The following POU2F1 variants were observed in gnomAD, a reference collection of about 807,000 sequenced individuals.
POU2F1 encodes the protein POU domain, class 2, transcription factor 1.
In POU2F1, 16 loss-of-function variants were observed where a neutral mutation model predicts 84.9. That is an observed-to-expected ratio of 0.19 (90% CI 0.13 to 0.29). The LOEUF (loss-of-function observed/expected upper bound fraction) is 0.29, where lower values mean the gene tolerates loss of function less well. POU2F1 is among the 10% of genes least tolerant of loss of function. The pLI, the probability that POU2F1 is intolerant of heterozygous loss-of-function variation, is 1.00. For synonymous variants in POU2F1, 368 were observed against 368.3 expected, an observed-to-expected ratio of 1.00 and a Z score of 0.01; for missense variants, 738 against 942.6, an observed-to-expected ratio of 0.78 and a Z score of 2.84.
intron 1 of POU2F1, among the ~76,000 whole-genome samples, chr1:167,288,731 G>C (rs1653706181): frequency 6.6e-6 from 1 of 152,106 alleles, no homozygotes; most frequent in South Asian, 2.1e-4. Context: ...TCTACTTATA[G>C]GCTGCTGAAC....
At chr1:167,252,678 TCCAAA>T (rs779187457) in intron 1 of POU2F1, among the ~76,000 whole-genome samples, 1 of 152,200 alleles carries the variant, frequency 6.6e-6, no homozygotes, top group Non-Finnish European at 1.5e-5. Context: ...TGTTGCAAAC[TCCAAA>T]CCAAAGAATG....
chr1:167,364,387 G>A (rs1191017739), intron 2 of POU2F1, among the ~76,000 whole-genome samples: 6 of 149,114 alleles, frequency 4.0e-5, no homozygotes, highest in South Asian at 4.3e-4. Flanking sequence ...AAAATTAGCC[G>A]GGCGTAGTGG....
intron 1 of POU2F1, among the ~76,000 whole-genome samples, chr1:167,314,342 A>G (rs190592935): frequency 5.6e-4 from 85 of 152,340 alleles, no homozygotes; most frequent in African/African-American, 1.9e-3. Context: ...ATGAGCTATC[A>G]CTGCACACCT....
At chr1:167,390,055 AT>A (rs896944085) in intron 9 of POU2F1, among the ~76,000 whole-genome samples, 1 of 152,220 alleles carries the variant, frequency 6.6e-6, no homozygotes, top group African/African-American at 2.4e-5. Context: ...ACAAATATAC[AT>A]TTTATAATTT....
intron 2 of POU2F1, among the ~76,000 whole-genome samples, chr1:167,341,698 T>C (rs2101756838): frequency 6.6e-6 from 1 of 152,238 alleles, no homozygotes; most frequent in East Asian, 1.9e-4. Context: ...TGGGCACATG[T>C]TTCAGTGCAC....
chr1:167,272,390 CAAAAA>C (rs35666628), intron 1 of POU2F1, among the ~76,000 whole-genome samples: 1 of 82,232 alleles, frequency 1.2e-5, no homozygotes, highest in South Asian at 3.5e-4. Context: ...ATTAGGATTT[CAAAAA>C]AAAAAAAAAA....
In POU2F1 at chr1:167,414,350, GAAAAGATA is replaced by G. The variant is rs1293804091; in HGVS notation, c.1991-1149_1991-1142del. The G allele has an allele frequency of 2.7e-5, 27 of 985,372 alleles. No individual in the cohort carries two copies. The African/African-American group carries it at 4.5e-4, about 17-fold the overall frequency. The allele number at this position is 985,372 out of a possible 1,614,324, so 61.0% of individuals were successfully genotyped here. A position where few individuals can be genotyped will look rare whatever the true frequency, so the allele number is the denominator to read the frequency against. On this transcript the variant is annotated intron_variant, in intron 15 of 15. Transcript: ENST00000367866. ...TTCCCTAGGGCATGATTGACACTCT[GAAAAGATA>G]CTAAGTTTGGAATCTCAGAAAAACT...
intron 15 of POU2F1, among the ~76,000 whole-genome samples, chr1:167,413,704 T>TTATA (rs1650125600): frequency 6.6e-6 from 1 of 152,208 alleles, no homozygotes; most frequent in South Asian, 2.1e-4. Flanking sequence ...TCCTTTTGCC[T>TTATA]TTTAGCATGT....
At chr1:167,397,072 A>C (rs954929588) in intron 10 of POU2F1, among the ~76,000 whole-genome samples, 4 of 152,162 alleles carry the variant, frequency 2.6e-5, no homozygotes, top group Admixed American at 6.5e-5. Context: ...TTCAGTAGCT[A>C]TGGGTGAGGC....
At chr1:167,348,671 AATGAG>A (rs1658360693) in intron 2 of POU2F1, among the ~76,000 whole-genome samples, 2 of 152,312 alleles carry the variant, frequency 1.3e-5, no homozygotes, top group South Asian at 4.1e-4. Flanking sequence ...ATCTTGTAAT[AATGAG>A]ATGAGAATGG....
rs765099139 is a variant in POU2F1 at position 167,416,101 on chromosome 1, A to C, written c.*291A>C. On this transcript the variant is annotated 3_prime_UTR_variant, in exon 16 of 16. Coordinates refer to ENST00000367866, the MANE Select transcript of POU2F1 (RefSeq NM_002697.4). Reference sequence around the variant, plus strand: ...TAACCAAAAATTAAAAAAAAAAAAAAAAAAAGAAACAAAAAAATCAAAAAC... The same window carrying C: ...TAACCAAAAATTAAAAAAAAAAAAACAAAAAGAAACAAAAAAATCAAAAAC... The C allele has an allele frequency of 6.7e-5, 37 of 550,264 alleles. No homozygotes were observed. Among genetic ancestry groups the C allele is most frequent in the African/African-American group, 6.4e-4 (33 of 51,480 alleles). 34.1% of individuals were successfully genotyped at this position (550,264 alleles called of 1,614,324 possible). A position where few individuals can be genotyped will look rare whatever the true frequency, so the allele number is the denominator to read the frequency against.
intron 2 of POU2F1, among the ~76,000 whole-genome samples, chr1:167,345,407 A>C (rs1557911775): frequency 6.6e-6 from 1 of 152,250 alleles, no homozygotes; most frequent in Non-Finnish European, 1.5e-5. Flanking sequence ...ACAGTCAATT[A>C]GGGATTTCCT....
chr1:167,361,551 A>G (rs1032029711), intron 2 of POU2F1, among the ~76,000 whole-genome samples: 2 of 152,038 alleles, frequency 1.3e-5, no homozygotes, highest in Non-Finnish European at 2.9e-5. Flanking sequence ...TGACTTTTTG[A>G]TGTGCTGCTG....
chr1:167,345,749 T>G (rs146232301), intron 2 of POU2F1, among the ~76,000 whole-genome samples: 3 of 152,202 alleles, frequency 2.0e-5, no homozygotes, highest in Admixed American at 2.0e-4. Flanking sequence ...TAAAATAAGG[T>G]CTGTCTTTCT....
intron 1 of POU2F1, among the ~76,000 whole-genome samples, chr1:167,309,283 G>C (rs1258494608): frequency 6.6e-6 from 1 of 152,076 alleles, no homozygotes; most frequent in East Asian, 1.9e-4. Flanking sequence ...ACTTAAAGCT[G>C]TGTTTATTTT....
chr1:167,222,480 T>G (rs547759085), intron 1 of POU2F1, among the ~76,000 whole-genome samples: 2 of 152,132 alleles, frequency 1.3e-5, no homozygotes, highest in Non-Finnish European at 2.9e-5. Flanking sequence ...TGGTTCGATA[T>G]GATTTTTTTT....
At chr1:167,230,702 A>G (rs997331618) in intron 1 of POU2F1, among the ~76,000 whole-genome samples, 1 of 152,204 alleles carries the variant, frequency 6.6e-6, no homozygotes, top group South Asian at 2.1e-4. Context: ...CAGTTACCCA[A>G]TTCAGCACTT....
At chr1:167,286,150 G>T (rs987959489) in intron 1 of POU2F1, among the ~76,000 whole-genome samples, 4 of 152,152 alleles carry the variant, frequency 2.6e-5, no homozygotes, top group Admixed American at 2.0e-4. Context: ...GGGTGATATA[G>T]TCAGTTTCAT....
At chr1:167,384,920 A>C (rs1647847991) in intron 8 of POU2F1, among the ~76,000 whole-genome samples, 1 of 152,136 alleles carries the variant, frequency 6.6e-6, no homozygotes, top group Non-Finnish European at 1.5e-5. Context: ...AAACTATCTT[A>C]GTTGCTAGAT....
Sources: allele counts gnomAD v4.1 joint callset (sites outside exome capture counted in the v4.1 genomes callset), GRCh38; gene constraint gnomAD v4.1.1; transcripts MANE v1.5; gene names NCBI Gene and HGNC (gene_info 2026-07-23, HGNC 2026-07-21).